The following ENOX2 variants were observed in gnomAD, a reference collection of about 807,000 sequenced individuals.
ENOX2 encodes APK1 antigen.
In ENOX2, 36 loss-of-function variants were observed where a neutral mutation model predicts 45.0. The observed-to-expected ratio is 0.80, with a 90% CI of 0.61 to 1.06. The LOEUF is 1.06. Among genes scored for constraint, ENOX2 ranks in the 50% least tolerant of loss-of-function variants. The probability of loss-of-function intolerance (pLI) is 0.00; values close to 1 mark genes in which losing one functional copy is unlikely to be tolerated. For missense variants in ENOX2, 423 were observed against 462.5 expected, an observed-to-expected ratio of 0.91 and a Z score of 0.78; for synonymous variants, 174 against 152.3, an observed-to-expected ratio of 1.14 and a Z score of -1.05.
intron 2 of ENOX2, among the ~76,000 whole-genome samples, chrX:130,840,238 G>A (rs939580681): frequency 7.2e-5 from 8 of 111,425 alleles, no homozygotes; most frequent in Non-Finnish European, 1.1e-4. Flanking sequence ...CTGTGCAAGT[G>A]AATTTTAGAT....
intron 3 of ENOX2, among the ~76,000 whole-genome samples, chrX:130,775,938 C>A (rs2039846553): frequency 9.0e-6 from 1 of 111,398 alleles, no homozygotes; most frequent in Admixed American, 9.5e-5. Flanking sequence ...AATTTGGAAA[C>A]TGAGGCTTAG....
chrX:130,679,844 T>C, intron 5 of ENOX2, 96 bp from the exon 6 acceptor site: 1 of 678,667 alleles, frequency 1.5e-6, no homozygotes, highest in Non-Finnish European at 2.3e-6. Flanking sequence ...TGTCAAACTT[T>C]TGTCTAAGAG....
At position 130,767,360 on chromosome X, in the gene ENOX2, A is replaced by T. The variant is rs2039641093; in HGVS notation, c.-39+16187T>A. On this transcript the variant is annotated intron_variant, in intron 3 of 14. Coordinates refer to ENST00000394363, the MANE Select transcript of ENOX2 (RefSeq NM_006375.4). ...GGCACAGAGTAGGCATATGATAAGTATTTGTGGAATGAATGAATGTATGAA... is the reference window on the plus strand; with the variant it reads ...GGCACAGAGTAGGCATATGATAAGTTTTTGTGGAATGAATGAATGTATGAA... Among the ~76,000 whole-genome samples the T allele has an allele frequency of 2.7e-5, 3 of 111,980 alleles. No homozygotes were observed. The Admixed American group carries it at 2.8e-4, about 11-fold the overall frequency.
At chrX:130,778,636 A>G (rs1428463343) in intron 3 of ENOX2, among the ~76,000 whole-genome samples, 1 of 112,460 alleles carries the variant, frequency 8.9e-6, no homozygotes, top group Admixed American at 9.4e-5. Context: ...CAATCACCAT[A>G]CCAATACAAA....
chrX:130,872,429 G>A (rs774660528), intron 2 of ENOX2, among the ~76,000 whole-genome samples: 45 of 111,474 alleles, frequency 4.0e-4, no homozygotes, highest in African/African-American at 1.3e-3. Context: ...GCATGTTTCC[G>A]CATGGTGGCA....
intron 3 of ENOX2, among the ~76,000 whole-genome samples, chrX:130,772,935 C>T (rs1209654531): frequency 8.9e-6 from 1 of 112,304 alleles, no homozygotes; most frequent in Non-Finnish European, 1.9e-5. Context: ...TAAATATTTG[C>T]TCTTATTTAC....
chrX:130,887,340 C>G (rs2078923510), intron 2 of ENOX2, among the ~76,000 whole-genome samples: 1 of 110,843 alleles, frequency 9.0e-6, no homozygotes, highest in African/African-American at 3.3e-5. Context: ...CCCCAAACCC[C>G]CACTATACCC....
chrX:130,829,121 G>A (rs770394686), intron 2 of ENOX2, among the ~76,000 whole-genome samples: 19 of 110,989 alleles, frequency 1.7e-4, no homozygotes, highest in Non-Finnish European at 3.0e-4. Flanking sequence ...CTCTCTGATG[G>A]GCTACTTGTT....
intron 4 of ENOX2, among the ~76,000 whole-genome samples, chrX:130,689,981 C>T (rs1282273147): frequency 9.0e-6 from 1 of 111,067 alleles, no homozygotes; most frequent in Non-Finnish European, 1.9e-5. Flanking sequence ...AGGCCACTCT[C>T]CTGGAACCAA....
intron 10 of ENOX2, among the ~76,000 whole-genome samples, chrX:130,650,219 C>T (rs1356950589): frequency 8.9e-6 from 1 of 111,912 alleles, no homozygotes; most frequent in Non-Finnish European, 1.9e-5. Flanking sequence ...GGCGTATTCT[C>T]CAGTTTAAAT....
intron 9 of ENOX2, among the ~76,000 whole-genome samples, chrX:130,663,733 C>T (rs1043372083): frequency 2.4e-4 from 27 of 110,665 alleles, no homozygotes; most frequent in African/African-American, 7.6e-4. Context: ...GCCTATTCTG[C>T]TTTTCTACAA....
intron 3 of ENOX2, among the ~76,000 whole-genome samples, chrX:130,758,443 G>A (rs1446017686): frequency 3.6e-5 from 4 of 112,472 alleles, no homozygotes; most frequent in Non-Finnish European, 7.5e-5. Flanking sequence ...TGTTGCATGT[G>A]TTGACACTTT....
At chrX:130,790,236 T>C (rs1379391991) in intron 2 of ENOX2, among the ~76,000 whole-genome samples, 1 of 112,424 alleles carries the variant, frequency 8.9e-6, no homozygotes, top group African/African-American at 3.2e-5. Context: ...TGAATGGTGG[T>C]AGACAAACTT....
At chrX:130,792,036 T>C (rs1485504479) in intron 2 of ENOX2, among the ~76,000 whole-genome samples, 1 of 112,316 alleles carries the variant, frequency 8.9e-6, no homozygotes, top group Admixed American at 9.4e-5. Context: ...GTCTTTGATA[T>C]GTGGTACATA....
intron 4 of ENOX2, among the ~76,000 whole-genome samples, chrX:130,690,566 A>T (rs1458305210): frequency 1.8e-5 from 2 of 112,420 alleles, no homozygotes; most frequent in Non-Finnish European, 3.8e-5. Context: ...GGTTCTGGTA[A>T]TGCAGAGGCA....
chrX:130,821,792 G>A (rs1338664822), intron 2 of ENOX2, among the ~76,000 whole-genome samples: 3 of 87,005 alleles, frequency 3.4e-5, no homozygotes, highest in African/African-American at 1.3e-4. Context: ...CAGGCCAGGC[G>A]CAGTGGCTAC....
chrX:130,824,991 G>A (rs961532141), intron 2 of ENOX2, among the ~76,000 whole-genome samples: 10 of 110,651 alleles, frequency 9.0e-5, no homozygotes, highest in Non-Finnish European at 1.7e-4. Context: ...CATACCTTCC[G>A]CAACCCAGCA....
At chrX:130,767,356 A>G (rs1481142007) in intron 3 of ENOX2, among the ~76,000 whole-genome samples, 3 of 111,973 alleles carry the variant, frequency 2.7e-5, no homozygotes, top group African/African-American at 9.7e-5. Context: ...GGCATATGAT[A>G]AGTATTTGTG....
chrX:130,762,477 G>C (rs1168632919), intron 3 of ENOX2, among the ~76,000 whole-genome samples: 2 of 111,759 alleles, frequency 1.8e-5, no homozygotes, highest in African/African-American at 3.3e-5. Context: ...AGCTACTGGG[G>C]AGGGTGAAGT....
Sources: allele counts gnomAD v4.1 joint callset (sites outside exome capture counted in the v4.1 genomes callset), GRCh38; gene constraint gnomAD v4.1.1; transcripts MANE v1.5; gene names NCBI Gene and HGNC (gene_info 2026-07-23, HGNC 2026-07-21).